SUGCT: variants seen among roughly 807,000 people sequenced by gnomAD.
SUGCT encodes succinyl-CoA:glutarate CoA-transferase.
A neutral mutation model predicts 55.0 loss-of-function variants in SUGCT; 41 were observed. The ratio of observed to expected loss-of-function variants is 0.74; its 90% CI spans 0.58 to 0.97. SUGCT has a LOEUF of 0.97. SUGCT is among the 50% of genes least tolerant of loss of function. SUGCT has a pLI of 0.00. For missense variants in SUGCT, 568 were observed against 547.8 expected, an observed-to-expected ratio of 1.04 and a Z score of -0.37; for synonymous variants, 187 against 200.4, an observed-to-expected ratio of 0.93 and a Z score of 0.56.
intron 13 of SUGCT, among the ~76,000 whole-genome samples, chr7:40,818,193 C>G (rs1041811039): frequency 2.6e-5 from 4 of 152,118 alleles, no homozygotes; most frequent in African/African-American, 9.7e-5. Context: ...GGAGGTGCAC[C>G]CTGGTCTGTC....
At chr7:40,653,882 T>C (rs1242152874) in intron 12 of SUGCT, among the ~76,000 whole-genome samples, 2 of 152,164 alleles carry the variant, frequency 1.3e-5, no homozygotes, top group African/African-American at 4.8e-5. Context: ...TTGTTGCCGC[T>C]AACAGTATTG....
chr7:40,701,855 G>C (rs761640780), intron 12 of SUGCT, among the ~76,000 whole-genome samples: 5 of 152,180 alleles, frequency 3.3e-5, no homozygotes, highest in Non-Finnish European at 5.9e-5. Context: ...ATGTGGCCTA[G>C]AGCCAGACAG....
At chr7:41,004,474 A>G in the SUGCT span, among the ~76,000 whole-genome samples, 1 of 152,180 alleles carries the variant, frequency 6.6e-6, no homozygotes, top group Non-Finnish European at 1.5e-5. Context: ...AAAATTTCAA[A>G]CACTGCTGCA....
intron 12 of SUGCT, among the ~76,000 whole-genome samples, chr7:40,577,233 A>T (rs755208355): frequency 6.6e-6 from 1 of 152,218 alleles, no homozygotes; most frequent in African/African-American, 2.4e-5. Flanking sequence ...GTAAGAGAAA[A>T]TGAGACAGGA....
chr7:40,166,840 T>C, intron 1 of SUGCT, among the ~76,000 whole-genome samples: 1 of 149,952 alleles, frequency 6.7e-6, no homozygotes, highest in Non-Finnish European at 1.5e-5. Context: ...TGAGCCGAGA[T>C]TGCGCCACTG....
chr7:40,620,337 C>T (rs1449901040), intron 12 of SUGCT, among the ~76,000 whole-genome samples: 1 of 152,162 alleles, frequency 6.6e-6, no homozygotes, highest in African/African-American at 2.4e-5. Context: ...AGATATTTAG[C>T]CTCATTTTCT....
At chr7:40,817,077 G>C (rs981214386) in intron 13 of SUGCT, among the ~76,000 whole-genome samples, 1 of 152,170 alleles carries the variant, frequency 6.6e-6, no homozygotes, top group African/African-American at 2.4e-5. Context: ...CCCATTCTTA[G>C]TTGAGTTGGT....
chr7:40,726,085 C>G (rs1367721668), intron 12 of SUGCT, among the ~76,000 whole-genome samples: 3 of 152,150 alleles, frequency 2.0e-5, no homozygotes, highest in South Asian at 2.1e-4. Flanking sequence ...TAAATACTCA[C>G]TTAATATTAG....
chr7:40,556,649 A>C (rs950281609), intron 12 of SUGCT, among the ~76,000 whole-genome samples: 5 of 152,212 alleles, frequency 3.3e-5, no homozygotes, highest in Non-Finnish European at 5.9e-5. Flanking sequence ...TCTACCACTT[A>C]GTGGCCATGT....
intron 9 of SUGCT, among the ~76,000 whole-genome samples, chr7:40,428,441 A>T (rs1787712267): frequency 6.6e-6 from 1 of 152,088 alleles, no homozygotes; most frequent in South Asian, 2.1e-4. Flanking sequence ...CTTGTAGCTT[A>T]TCCCCGTGTT....
chr7:40,629,047 T>C (rs1584162963), intron 12 of SUGCT, among the ~76,000 whole-genome samples: 2 of 152,182 alleles, frequency 1.3e-5, no homozygotes, highest in Admixed American at 1.3e-4. Context: ...CTGTCCATCA[T>C]GCCTGCCAGA....
At chr7:40,319,398 G>C (rs1795607809) in intron 9 of SUGCT, among the ~76,000 whole-genome samples, 1 of 152,078 alleles carries the variant, frequency 6.6e-6, no homozygotes, top group African/African-American at 2.4e-5. Flanking sequence ...ATATTTTTGT[G>C]GGTGAATGCC....
intron 12 of SUGCT, among the ~76,000 whole-genome samples, chr7:40,618,212 C>G (rs1393943712): frequency 2.0e-5 from 3 of 152,154 alleles, no homozygotes; most frequent in Admixed American, 2.0e-4. Context: ...ACATGGATGT[C>G]TCATAAACAT....
intron 7 of SUGCT, among the ~76,000 whole-genome samples, chr7:40,256,129 A>G (rs1446850514): frequency 1.3e-5 from 2 of 152,252 alleles, no homozygotes; most frequent in Admixed American, 6.5e-5. Context: ...GTATAATTGC[A>G]TAGTTGTTTC....
intron 13 of SUGCT, among the ~76,000 whole-genome samples, chr7:40,812,111 C>T (rs865944504): frequency 6.6e-5 from 10 of 152,136 alleles, no homozygotes; most frequent in Non-Finnish European, 1.2e-4. Context: ...ATGAAGCCTA[C>T]TTGATCATGG....
chr7:40,314,456 T>C (rs1795317215), intron 8 of SUGCT, among the ~76,000 whole-genome samples: 1 of 149,152 alleles, frequency 6.7e-6, no homozygotes, highest in Non-Finnish European at 1.5e-5. Context: ...ATAAAAAGAA[T>C]AACAACATAG....
chr7:40,199,347 T>G (rs1786464443), intron 6 of SUGCT, among the ~76,000 whole-genome samples: 1 of 152,216 alleles, frequency 6.6e-6, no homozygotes, highest in Non-Finnish European at 1.5e-5. Flanking sequence ...TGATTATTTT[T>G]ATTAGCATGG....
the SUGCT span, among the ~76,000 whole-genome samples, chr7:40,903,293 G>T: frequency 6.6e-6 from 1 of 152,136 alleles, no homozygotes; most frequent in South Asian, 2.1e-4. Context: ...GGCAGAACAG[G>T]TATCACTTGA....
intron 9 of SUGCT, among the ~76,000 whole-genome samples, chr7:40,386,830 G>A (rs1185102195): frequency 1.3e-5 from 2 of 152,168 alleles, no homozygotes; most frequent in African/African-American, 4.8e-5. Context: ...CTTTGCTGGA[G>A]CTCTGCAAGA....
Sources: gnomAD v4.1 joint callset for allele counts (sites outside exome capture counted in the v4.1 genomes callset) on GRCh38, gnomAD v4.1.1 for gene constraint, MANE v1.5 for transcripts, NCBI Gene and HGNC (gene_info 2026-07-23, HGNC 2026-07-21) for gene names.